Variants in TP63 observed in about 807,000 individuals in gnomAD.
TP63 encodes tumor protein 63.
Under a neutral mutation model 82.8 loss-of-function variants are expected in TP63, and 17 were observed. The observed-to-expected ratio is 0.21, with a 90% CI of 0.14 to 0.31. TP63 has a LOEUF of 0.31. TP63 is among the 10% of genes least tolerant of loss of function. The pLI is 1.00. For synonymous variants in TP63, 330 were observed against 321.7 expected (o/e 1.03, Z -0.28); for missense variants, 648 against 895.3 (o/e 0.72, Z 3.52).
In TP63 at chr3:189,763,737, A is replaced by G. The variant is rs558766652; in HGVS notation, c.324+24963A>G. Among the ~76,000 whole-genome samples, 6 of 152,338 alleles carry G rather than the reference A, an allele frequency of 3.9e-5. No homozygotes were observed. In the East Asian group the frequency reaches 1.2e-3, roughly 29 times the overall value. On this transcript the variant is annotated intron_variant, in intron 3 of 13. Transcript: ENST00000264731. Reference sequence around the variant, plus strand: ...TGTGAAACACTCAGTCTGACATGAAATGGTGATGCTTAGAGCTAAAAAATA... The same window carrying G: ...TGTGAAACACTCAGTCTGACATGAAGTGGTGATGCTTAGAGCTAAAAAATA...
the TP63 span, among the ~76,000 whole-genome samples, chr3:189,619,409 T>G: frequency 6.6e-6 from 1 of 152,184 alleles, no homozygotes; most frequent in Non-Finnish European, 1.5e-5. Context: ...AATGCCCCTA[T>G]CTATATTTCC....
chr3:189,866,989 G>T (rs571885797), intron 6 of TP63, among the ~76,000 whole-genome samples, 192 bp downstream of exon 6: 1 of 152,116 alleles, frequency 6.6e-6, no homozygotes, highest in African/African-American at 2.4e-5. Context: ...ACCTAAATAT[G>T]CACTGAATCA....
At chr3:189,873,154 C>CT in intron 10 of TP63, 159 bp downstream of exon 10, 1 of 1,013,818 alleles carries the variant, frequency 9.9e-7, no homozygotes, top group South Asian at 1.3e-5. Context: ...CAGTTGCAAC[C>CT]TTTTTTACGT....
the TP63 span, among the ~76,000 whole-genome samples, chr3:189,597,552 C>G: frequency 6.6e-6 from 1 of 152,112 alleles, no homozygotes; most frequent in African/African-American, 2.4e-5. Flanking sequence ...ATCAAATGAT[C>G]AAAACCTTAG....
At chr3:189,685,593 C>G (rs74462680) in intron 1 of TP63, among the ~76,000 whole-genome samples, 349 of 152,196 alleles carry the variant, frequency 2.3e-3, no homozygotes, top group African/African-American at 8.2e-3. Context: ...CTATATTTCC[C>G]AAACTGGTTT....
intron 1 of TP63, among the ~76,000 whole-genome samples, chr3:189,703,155 C>T (rs1166406852): frequency 3.9e-5 from 6 of 152,164 alleles, no homozygotes; most frequent in Non-Finnish European, 8.8e-5. Flanking sequence ...TCTCTCAGGC[C>T]GGGCACGGTG....
chr3:189,661,456 G>A (rs1047113167), intron 1 of TP63, among the ~76,000 whole-genome samples: 4 of 151,988 alleles, frequency 2.6e-5, no homozygotes, highest in African/African-American at 4.8e-5. Flanking sequence ...TTTTTGATGC[G>A]CTGCTGGATT....
chr3:189,801,446 G>A (rs1726295948), intron 3 of TP63, among the ~76,000 whole-genome samples: 1 of 152,036 alleles, frequency 6.6e-6, no homozygotes, highest in Admixed American at 6.5e-5. Context: ...CTTCAGAATT[G>A]GGATGCCTTC....
chr3:189,776,024 G>A (rs1254080197), intron 3 of TP63, among the ~76,000 whole-genome samples: 2 of 152,218 alleles, frequency 1.3e-5, no homozygotes, highest in Non-Finnish European at 2.9e-5. Flanking sequence ...GGGAGGCTGA[G>A]ACAGAAGGAC....
At chr3:189,613,604 C>T in the TP63 span, among the ~76,000 whole-genome samples, 1 of 152,178 alleles carries the variant, frequency 6.6e-6, no homozygotes, top group Non-Finnish European at 1.5e-5. Context: ...GGGCCACAGT[C>T]CTCCAGACCC....
intron 4 of TP63, among the ~76,000 whole-genome samples, chr3:189,853,387 C>A (rs1011503993): frequency 6.6e-6 from 1 of 152,208 alleles, no homozygotes; most frequent in East Asian, 1.9e-4. Context: ...TGGATCTTAA[C>A]TCCTACCACT....
At chr3:189,719,280 G>C (rs768108748) in intron 1 of TP63, among the ~76,000 whole-genome samples, 2 of 152,146 alleles carry the variant, frequency 1.3e-5, no homozygotes, top group Non-Finnish European at 2.9e-5. Flanking sequence ...AAACGAATCG[G>C]TAGCCTTTTT....
intron 4 of TP63, chr3:189,829,848 C>A (rs1223140324): frequency 6.0e-6 from 2 of 331,322 alleles, no homozygotes; most frequent in Non-Finnish European, 1.2e-5. Context: ...TTAATTATTT[C>A]ATTACCAGAC....
chr3:189,701,512 G>GATATATATAC (rs1553815840), intron 1 of TP63, among the ~76,000 whole-genome samples: 10 of 103,216 alleles, frequency 9.7e-5, no homozygotes, highest in African/African-American at 4.3e-4. Context: ...AATGTGAGGA[G>GATATATATAC]ATATATATAC....
intron 11 of TP63, among the ~76,000 whole-genome samples, chr3:189,886,974 C>A (rs927343248): frequency 6.6e-6 from 1 of 151,898 alleles, no homozygotes; most frequent in Non-Finnish European, 1.5e-5. Context: ...TTTGGGAGGC[C>A]GAGGCGGGAG....
intron 4 of TP63, among the ~76,000 whole-genome samples, chr3:189,829,541 C>G (rs1298753424): frequency 6.6e-6 from 1 of 152,134 alleles, no homozygotes; most frequent in Non-Finnish European, 1.5e-5. Flanking sequence ...TTTGGAATGG[C>G]TTCTATGAAA....
intron 1 of TP63, among the ~76,000 whole-genome samples, chr3:189,731,469 C>T (rs1720171669): frequency 6.6e-6 from 1 of 152,198 alleles, no homozygotes; most frequent in Admixed American, 6.5e-5. Flanking sequence ...GCTAGACGAC[C>T]TCTCAGGTCT....
intron 10 of TP63, chr3:189,873,255 A>G (rs1006136477): frequency 5.4e-6 from 3 of 551,594 alleles, no homozygotes; most frequent in Admixed American, 5.8e-5. Context: ...ACTCACACTA[A>G]CAGTTCTCGT....
chr3:189,797,636 TGA>T (rs1441947398), intron 3 of TP63, among the ~76,000 whole-genome samples: 1 of 152,030 alleles, frequency 6.6e-6, no homozygotes, highest in African/African-American at 2.4e-5. Context: ...ATAGACCGTG[TGA>T]GACTCTGTCA....
Sources: gnomAD v4.1 joint callset for allele counts (sites outside exome capture counted in the v4.1 genomes callset) on GRCh38, gnomAD v4.1.1 for gene constraint, MANE v1.5 for transcripts, NCBI Gene and HGNC (gene_info 2026-07-23, HGNC 2026-07-21) for gene names.